Variants in YY1 observed in about 807,000 individuals in gnomAD.
The protein encoded by YY1 is YY1 transcription factor, also known as transcriptional repressor protein YY1.
In YY1, 2 loss-of-function variants were observed where a neutral mutation model predicts 35.6. That is an observed-to-expected ratio of 0.06 (90% CI 0.02 to 0.18). The LOEUF is 0.18. YY1 is among the 10% of genes least tolerant of loss of function. The probability of loss-of-function intolerance (pLI) is 1.00; values close to 1 mark genes in which losing one functional copy is unlikely to be tolerated. For missense variants in YY1, 322 were observed against 573.4 expected (o/e 0.56, Z 4.48); for synonymous variants, 268 against 238.9 (o/e 1.12, Z -1.12).
In YY1 at chr14:100,239,211, G is replaced by C. The variant is rs1165436934; in HGVS notation, c.-34G>C. On this transcript the variant is annotated 5_prime_UTR_variant, in exon 1 of 5. Transcript: ENST00000262238. ...CGCCCGCCCGCAGCCGAGGAGCCGA[G>C]GCCGCCGCGGCCGTGGCGGCGGAGC... 1 of 1,452,984 alleles carries C rather than the reference G, an allele frequency of 6.9e-7. No individual in the cohort carries two copies. Among genetic ancestry groups the C allele is most frequent in the Admixed American group, 2.8e-5 (1 of 36,134 alleles). 90.0% of individuals were successfully genotyped at this position (1,452,984 alleles called of 1,614,324 possible). A position where few individuals can be genotyped will look rare whatever the true frequency, so the allele number is the denominator to read the frequency against.
chr14:100,272,253 G>A (rs1299394993), intron 2 of YY1, among the ~76,000 whole-genome samples: 4 of 150,524 alleles, frequency 2.7e-5, no homozygotes, highest in East Asian at 2.0e-4. Flanking sequence ...CCGAGATAGC[G>A]CCACTGCACT....
intron 1 of YY1, among the ~76,000 whole-genome samples, chr14:100,247,060 C>CA (rs963538878): frequency 6.6e-6 from 1 of 152,182 alleles, no homozygotes; most frequent in Non-Finnish European, 1.5e-5. Flanking sequence ...AGGAAAAGGT[C>CA]AGGGTTCCTG....
chr14:100,253,135 C>T (rs1333090811), intron 1 of YY1, among the ~76,000 whole-genome samples: 1 of 152,188 alleles, frequency 6.6e-6, no homozygotes, highest in Non-Finnish European at 1.5e-5. Context: ...AAGGGAAACT[C>T]CAGCAGGGAA....
rs764596326 is a variant in YY1, at chr14:100,280,804, A to G, written c.*3204A>G. ...TGAGCAGTGTTTTGAGAGTGCGTAC[A>G]TTGGAGGACTGCCCCACGTCCGTTT... On this transcript the variant is annotated 3_prime_UTR_variant, in exon 5 of 5. Coordinates refer to ENST00000262238, the MANE Select transcript of YY1 (RefSeq NM_003403.5). 6.6e-6 allele frequency: 1 copy of G among 152,100 alleles called. No homozygotes were observed. Among genetic ancestry groups the G allele is most frequent in the Non-Finnish European group, 1.5e-5 (1 of 68,032 alleles). 9.4% of individuals were successfully genotyped at this position (152,100 alleles called of 1,614,324 possible). A position where few individuals can be genotyped will look rare whatever the true frequency, so the allele number is the denominator to read the frequency against.
intron 2 of YY1, among the ~76,000 whole-genome samples, chr14:100,269,346 A>G (rs1891200668): frequency 7.0e-6 from 1 of 142,124 alleles, no homozygotes; most frequent in South Asian, 2.1e-4. Context: ...GAGAAGTTAC[A>G]GTTTGCTCAA....
intron 2 of YY1, among the ~76,000 whole-genome samples, chr14:100,271,692 A>T (rs1248454406): frequency 6.6e-6 from 1 of 151,902 alleles, no homozygotes; most frequent in Non-Finnish European, 1.5e-5. Context: ...TTTTTGAAAC[A>T]AGGTCTCGTT....
At position 100,276,354 on chromosome 14, in the gene YY1, CG is replaced by C. The variant is rs573523007; in HGVS notation, c.904-135del. On this transcript the variant is annotated intron_variant, in intron 3 of 4. Transcript: ENST00000262238. The surrounding 1 kb of genome is among the most constrained non-coding windows in gnomAD (Gnocchi z 4.1). ...GTCTTAAATGATATTAATGTTCTAC[CG>C]TAATACTAAGTAAAATTAAAATGGG... The C allele has an allele frequency of 7.1e-5, 84 of 1,184,738 alleles. No homozygotes were observed. In the African/African-American group the frequency reaches 1.1e-3, roughly 16 times the overall value. The allele number at this position is 1,184,738 out of a possible 1,614,324, so 73.4% of individuals were successfully genotyped here.
At chr14:100,243,224 A>G (rs544746940) in intron 1 of YY1, among the ~76,000 whole-genome samples, 1 of 152,360 alleles carries the variant, frequency 6.6e-6, no homozygotes, top group Admixed American at 6.5e-5. Context: ...AAGTGGGTTA[A>G]TTGTTGGGTA....
chr14:100,252,313 G>T (rs1407530989), intron 1 of YY1, among the ~76,000 whole-genome samples: 1 of 152,158 alleles, frequency 6.6e-6, no homozygotes, highest in African/African-American at 2.4e-5. Flanking sequence ...TAACATAGAA[G>T]AACACCGAGC....
At chr14:100,246,457 G>A (rs1890835351) in intron 1 of YY1, among the ~76,000 whole-genome samples, 1 of 152,204 alleles carries the variant, frequency 6.6e-6, no homozygotes, top group African/African-American at 2.4e-5. Context: ...ACCCTTGTTT[G>A]GACCTTGTGG....
At chr14:100,248,595 TGG>T (rs963992034) in intron 1 of YY1, among the ~76,000 whole-genome samples, 1 of 151,692 alleles carries the variant, frequency 6.6e-6, no homozygotes, top group Non-Finnish European at 1.5e-5. Context: ...CTTGAACTCC[TGG>T]GCTCAAGCGG....
rs552290556 is a variant in YY1 at position 100,277,879 on chromosome 14, C to A, written c.*279C>A. The A allele has an allele frequency of 2.5e-6, 1 of 406,904 alleles. No homozygotes were observed. The allele number at this position is 406,904 out of a possible 1,614,324, so 25.2% of individuals were successfully genotyped here. A position where few individuals can be genotyped will look rare whatever the true frequency, so the allele number is the denominator to read the frequency against. On this transcript the variant is annotated 3_prime_UTR_variant, in exon 5 of 5. Coordinates refer to ENST00000262238, the MANE Select transcript of YY1 (RefSeq NM_003403.5). This position sits in a 1 kb window ranked among gnomAD's most constrained non-coding sequence, Gnocchi z 5.6. The stretch of plus-strand genomic sequence containing the variant: ...CAACAGGAGGACAATTCATGAACTT[C>A]GCATCAAAAGACAATTCTTTATACA...
intron 1 of YY1, among the ~76,000 whole-genome samples, chr14:100,249,035 T>C (rs1021508184): frequency 6.6e-6 from 1 of 151,188 alleles, no homozygotes; most frequent in African/African-American, 2.4e-5. Context: ...TACACAGTGG[T>C]TTCAAATGTG....
chr14:100,258,604 C>A (rs190879795), intron 1 of YY1, among the ~76,000 whole-genome samples: 1 of 152,196 alleles, frequency 6.6e-6, no homozygotes, highest in South Asian at 2.1e-4. Flanking sequence ...CCGCCCGCCT[C>A]GGCTTCCCAA....
rs928224334 is a variant in YY1 at position 100,239,753 on chromosome 14, G to T, written c.509G>T (p.Gly170Val). 7 of 1,582,890 alleles carry T rather than the reference G, an allele frequency of 4.4e-6. No individual in the cohort carries two copies. The highest frequency in any genetic ancestry group is 5.1e-6 in the Non-Finnish European group (6 of 1,169,086). ...GGGGSSSSGG[G>V]RVKKGGGKKS... ...GGCGGCTCGTCGTCGTCGGGAGGCG[G>T]CCGCGTCAAGAAGGGCGGCGGCAAG... The change falls in exon 1 of 5, where the codon GGC (glycine) becomes GTC (valine). Residue 170 changes from glycine to valine, a missense_variant. Gly to Val is a moderately radical substitution (Grantham distance 109). Transcript: ENST00000262238.
chr14:100,240,909 G>A (rs1171924744), intron 1 of YY1, among the ~76,000 whole-genome samples: 1 of 152,002 alleles, frequency 6.6e-6, no homozygotes, highest in Non-Finnish European at 1.5e-5. Context: ...AGCCTTTATG[G>A]TTTTTACTTT....
chr14:100,257,709 T>C (rs1891024249), intron 1 of YY1, among the ~76,000 whole-genome samples: 1 of 152,202 alleles, frequency 6.6e-6, no homozygotes, highest in Admixed American at 6.5e-5. Context: ...ATCTTGGACT[T>C]CTAGCTTCCG....
At chr14:100,270,427 A>G (rs541808216) in intron 2 of YY1, among the ~76,000 whole-genome samples, 4 of 146,138 alleles carry the variant, frequency 2.7e-5, no homozygotes, top group African/African-American at 1.0e-4. Context: ...CCTGACCAAC[A>G]TGGTGAAACC....
At chr14:100,258,447 T>TG (rs1356555353) in intron 1 of YY1, among the ~76,000 whole-genome samples, 1 of 152,180 alleles carries the variant, frequency 6.6e-6, no homozygotes. Context: ...TAACCTTGGG[T>TG]ATATTATCAC....
Sources: gnomAD v4.1 joint callset for allele counts (sites outside exome capture counted in the v4.1 genomes callset) on GRCh38, gnomAD v4.1.1 for gene constraint, Gnocchi (gnomAD v3.1) non-coding constraint, MANE v1.5 for transcripts, NCBI Gene and HGNC (gene_info 2026-07-23, HGNC 2026-07-21) for gene names.